Variants in ATP8B4 observed in about 807,000 individuals in gnomAD.
ATP8B4 encodes the protein probable phospholipid-transporting ATPase IM.
Under a neutral mutation model 145.6 loss-of-function variants are expected in ATP8B4, and 133 were observed. The ratio of observed to expected loss-of-function variants is 0.91; its 90% CI spans 0.79 to 1.05. ATP8B4 has a LOEUF of 1.05. Among genes scored for constraint, ATP8B4 ranks in the 50% least tolerant of loss-of-function variants. The probability of loss-of-function intolerance (pLI) is 0.00; values close to 1 mark genes in which losing one functional copy is unlikely to be tolerated. For synonymous variants in ATP8B4, 507 were observed against 492.9 expected, an observed-to-expected ratio of 1.03 and a Z score of -0.38; for missense variants, 1,458 against 1,425.2, an observed-to-expected ratio of 1.02 and a Z score of -0.37.
At chr15:49,987,332 T>A (rs1357277387) in intron 10 of ATP8B4, 59 bp downstream of exon 10, 1 of 1,559,080 alleles carries the variant, frequency 6.4e-7, no homozygotes, top group Non-Finnish European at 8.8e-7. Context: ...TCATAGACTG[T>A]GCTGGTGTAC....
chr15:50,064,439 C>T (rs929452413), intron 3 of ATP8B4, among the ~76,000 whole-genome samples: 7 of 152,104 alleles, frequency 4.6e-5, no homozygotes, highest in African/African-American at 1.2e-4. Flanking sequence ...CCTCTGAGAA[C>T]AGTCTCTCAT....
intron 3 of ATP8B4, among the ~76,000 whole-genome samples, chr15:50,048,902 C>A (rs1285909321): frequency 6.6e-6 from 1 of 152,108 alleles, no homozygotes; most frequent in African/African-American, 2.4e-5. Flanking sequence ...GTACTGATCA[C>A]CAGCCCACAC....
chr15:49,947,916 A>G (rs2042721662), intron 14 of ATP8B4, among the ~76,000 whole-genome samples: 1 of 152,224 alleles, frequency 6.6e-6, no homozygotes, highest in Non-Finnish European at 1.5e-5. Flanking sequence ...CTAGATATGC[A>G]CAGGCAAAAG....
intron 1 of ATP8B4, 68 bp from the exon 2 acceptor site, chr15:50,107,076 A>C: frequency 9.5e-7 from 1 of 1,050,570 alleles, no homozygotes; most frequent in Non-Finnish European, 1.3e-6. Context: ...ACCTCCTTTA[A>C]CTTTCTTCCT....
intron 11 of ATP8B4, 83 bp from the exon 12 acceptor site, chr15:49,979,896 C>A: frequency 1.1e-6 from 1 of 948,494 alleles, no homozygotes. Flanking sequence ...GCATCTAACT[C>A]CAAGAAATAG....
chr15:50,073,176 G>A (rs2053965671), intron 3 of ATP8B4, among the ~76,000 whole-genome samples: 1 of 151,082 alleles, frequency 6.6e-6, no homozygotes, highest in Non-Finnish European at 1.5e-5. Context: ...ATGGTGGTTT[G>A]CTGCACCCAT....
intron 4 of ATP8B4, among the ~76,000 whole-genome samples, chr15:50,046,051 T>C (rs912666155): frequency 3.9e-5 from 6 of 152,228 alleles, no homozygotes; most frequent in Admixed American, 6.5e-5. Flanking sequence ...GGAACCATCA[T>C]ATCCCCTCAC....
chr15:50,158,964 C>T (rs1306511836), intron 1 of ATP8B4, among the ~76,000 whole-genome samples: 1 of 152,234 alleles, frequency 6.6e-6, no homozygotes, highest in Non-Finnish European at 1.5e-5. Flanking sequence ...GACACAAACA[C>T]TGCGGAAGGC....
At chr15:50,030,829 T>G (rs946743701) in intron 6 of ATP8B4, among the ~76,000 whole-genome samples, 19 of 152,350 alleles carry the variant, frequency 1.2e-4, no homozygotes, top group African/African-American at 4.6e-4. Context: ...TTTCAAGATG[T>G]ACCTCATTTG....
intron 8 of ATP8B4, among the ~76,000 whole-genome samples, chr15:49,999,203 C>CA (rs959808258): frequency 5.9e-4 from 89 of 150,974 alleles, no homozygotes; most frequent in Non-Finnish European, 1.0e-3. Flanking sequence ...ACTATGCAGC[C>CA]AAAAAAAATG....
chr15:50,099,814 A>G (rs4238379), intron 2 of ATP8B4, among the ~76,000 whole-genome samples: 146,816 of 151,930 alleles, frequency 0.97, 71,146 homozygotes, highest in East Asian at 1. Context: ...CGAGGCGGGC[A>G]GATCACCTGA....
chr15:50,038,592 C>T (rs977640050), intron 6 of ATP8B4, among the ~76,000 whole-genome samples, 176 bp downstream of exon 6: 1 of 151,934 alleles, frequency 6.6e-6, no homozygotes, highest in Non-Finnish European at 1.5e-5. Flanking sequence ...GTAGCACAAG[C>T]ATTTGCGGAA....
chr15:49,869,665 T>G (rs1010761220), intron 25 of ATP8B4, among the ~76,000 whole-genome samples: 1 of 152,342 alleles, frequency 6.6e-6, no homozygotes, highest in Admixed American at 6.5e-5. Flanking sequence ...TAATATGCTT[T>G]TCTCAGCATT....
chr15:49,938,456 T>C (rs902423123), intron 14 of ATP8B4, among the ~76,000 whole-genome samples: 4 of 152,116 alleles, frequency 2.6e-5, no homozygotes, highest in Non-Finnish European at 5.9e-5. Context: ...CAAGGATCAC[T>C]ATTCTTCTAA....
chr15:49,879,747 G>T (rs1384300553), intron 23 of ATP8B4: 2 of 240,826 alleles, frequency 8.3e-6, no homozygotes, highest in Non-Finnish European at 1.6e-5. Context: ...CATAGTGCGG[G>T]ACACGTATGA....
chr15:50,084,509 C>T (rs990565085), intron 2 of ATP8B4, among the ~76,000 whole-genome samples: 5 of 152,162 alleles, frequency 3.3e-5, no homozygotes, highest in Non-Finnish European at 7.3e-5. Context: ...TCTGCCCCTT[C>T]GCCCTACCAT....
At chr15:49,901,636 T>C (rs1048879523) in intron 20 of ATP8B4, among the ~76,000 whole-genome samples, 1 of 152,120 alleles carries the variant, frequency 6.6e-6, no homozygotes, top group Non-Finnish European at 1.5e-5. Context: ...TAAAGACAAT[T>C]GATGAAATCT....
At chr15:49,869,282 C>T (rs1443807040) in intron 25 of ATP8B4, among the ~76,000 whole-genome samples, 1 of 151,622 alleles carries the variant, frequency 6.6e-6, no homozygotes, top group African/African-American at 2.4e-5. Context: ...AATTGAAAAG[C>T]AGAATTAAAA....
At chr15:49,973,436 T>C (rs1449977314) in intron 12 of ATP8B4, among the ~76,000 whole-genome samples, 1 of 152,102 alleles carries the variant, frequency 6.6e-6, no homozygotes, top group African/African-American at 2.4e-5. Context: ...TCTAAAGAAA[T>C]GTGCTATTGA....
Sources: gnomAD v4.1 joint callset for allele counts (sites outside exome capture counted in the v4.1 genomes callset) on GRCh38, gnomAD v4.1.1 for gene constraint, MANE v1.5 for transcripts, NCBI Gene and HGNC (gene_info 2026-07-23, HGNC 2026-07-21) for gene names.